PCDHA1: variants seen among roughly 807,000 people sequenced by gnomAD.
The protein encoded by PCDHA1 is protocadherin alpha-1.
A neutral mutation model predicts 61.3 loss-of-function variants in PCDHA1; 42 were observed. That is an observed-to-expected ratio of 0.69 (90% CI 0.54 to 0.89). The LOEUF (loss-of-function observed/expected upper bound fraction) is 0.89. Among genes scored for constraint, PCDHA1 ranks in the 40% least tolerant of loss-of-function variants. The pLI, the probability that PCDHA1 is intolerant of heterozygous loss-of-function variation, is 0.00. For synonymous variants in PCDHA1, 610 were observed against 553.8 expected, an observed-to-expected ratio of 1.10 and a Z score of -1.43; for missense variants, 1,256 against 1,235.3, an observed-to-expected ratio of 1.02 and a Z score of -0.25.
intron 1 of PCDHA1, chr5:140,809,377 C>T (rs370062696): frequency 7.9e-5 from 128 of 1,613,896 alleles, no homozygotes; most frequent in Non-Finnish European, 9.8e-5. Context: ...CCACCGAGGG[C>T]GCGTGCGCTC....
chr5:140,816,424 C>T (rs1554127056), intron 1 of PCDHA1: 2 of 152,046 alleles, frequency 1.3e-5, no homozygotes, highest in African/African-American at 2.4e-5. Flanking sequence ...GCTCACTGAA[C>T]ATCTTTATGA....
chr5:140,842,171 C>T, intron 1 of PCDHA1: 8 of 1,613,804 alleles, frequency 5.0e-6, no homozygotes, highest in Non-Finnish European at 6.8e-6. Flanking sequence ...TTTTAATAGC[C>T]TTGTTGAAAC....
chr5:140,834,264 C>G lies in PCDHA1; in HGVS notation c.2394+45580C>G. ...TCGCACTGGAAAGACGCTCCACTCT[C>G]TTTCACTCTTTGGATGCACAACAAT... On this transcript the variant is annotated intron_variant, in intron 1 of 3. Transcript: ENST00000504120. The G allele has an allele frequency of 6.9e-6, 7 of 1,010,524 alleles. No individual in the cohort carries two copies. In the South Asian group the frequency reaches 9.7e-5, roughly 14 times the overall value. The allele number at this position is 1,010,524 out of a possible 1,614,324, so 62.6% of individuals were successfully genotyped here. A position where few individuals can be genotyped will look rare whatever the true frequency, so the allele number is the denominator to read the frequency against.
intron 2 of PCDHA1, among the ~76,000 whole-genome samples, chr5:140,979,795 A>G (rs781835728): frequency 6.6e-6 from 1 of 152,264 alleles, no homozygotes. Flanking sequence ...GAAACAAATG[A>G]TCACAACTAT....
rs1247587764 is a variant in PCDHA1 at position 140,883,158 on chromosome 5, C to T, written c.2394+94474C>T. ...GTGGTATATGCATTTACCATAAATC[C>T]GAACAATGGAGAAATTAGGACAAAA... On this transcript the variant is annotated intron_variant, in intron 1 of 3. Coordinates refer to ENST00000504120, the MANE Select transcript of PCDHA1 (RefSeq NM_018900.4). The T allele has an allele frequency of 1.9e-6, 3 of 1,613,592 alleles. No individual in the cohort carries two copies. In the African/African-American group the frequency reaches 4.0e-5, roughly 22 times the overall value.
intron 1 of PCDHA1, chr5:140,848,409 C>A: frequency 7.4e-7 from 1 of 1,356,090 alleles, no homozygotes; most frequent in Non-Finnish European, 1.0e-6. Flanking sequence ...CGATGGCGAA[C>A]ACAGCAGAAT....
chr5:140,936,435 TTAAA>T (rs1554210994), intron 1 of PCDHA1, among the ~76,000 whole-genome samples: 2 of 152,222 alleles, frequency 1.3e-5, no homozygotes, highest in African/African-American at 4.8e-5. Flanking sequence ...TAATTTAAGC[TTAAA>T]TAACCACATC....
intron 1 of PCDHA1, among the ~76,000 whole-genome samples, chr5:140,793,894 C>T (rs1364911495): frequency 1.3e-5 from 2 of 152,174 alleles, no homozygotes; most frequent in African/African-American, 4.8e-5. Flanking sequence ...AAAACATTTG[C>T]AAACAATTCA....
At chr5:140,969,385 C>A in intron 1 of PCDHA1, 1 of 1,598,120 alleles carries the variant, frequency 6.3e-7, no homozygotes, top group East Asian at 2.2e-5. Context: ...TTACACATCC[C>A]CCAATATCCT....
intron 1 of PCDHA1, chr5:140,796,126 T>A: frequency 6.2e-7 from 1 of 1,614,196 alleles, no homozygotes; most frequent in Non-Finnish European, 8.5e-7. Context: ...TGTCACCTGC[T>A]CCCTGACGCC....
In PCDHA1 at chr5:140,876,240, A is replaced by G. The variant is rs375639572; in HGVS notation, c.2394+87556A>G. 7.0e-5 allele frequency: 113 copies of G among 1,613,906 alleles called. No homozygotes were observed. The highest frequency in any genetic ancestry group is 8.3e-5 in the Admixed American group (5 of 60,008). Reference sequence around the variant, plus strand: ...AAGTAGTGTTGTCTGAAAATGTCCAAAACGACACAAGAGTGATCCAACTAA... The same window carrying G: ...AAGTAGTGTTGTCTGAAAATGTCCAGAACGACACAAGAGTGATCCAACTAA... On this transcript the variant is annotated intron_variant, in intron 1 of 3. Coordinates refer to ENST00000504120, the MANE Select transcript of PCDHA1 (RefSeq NM_018900.4).
At position 140,787,567 on chromosome 5, in the gene PCDHA1, C is replaced by A. The variant is rs782215051; in HGVS notation, c.1277C>A (p.Thr426Asn). Reference protein sequence around the residue: ...ESLSVYELVVTARDGGSPSLW... With the variant: ...ESLSVYELVVNARDGGSPSLW... Reference sequence around the variant, plus strand: ...CTGTCGGTCTATGAGCTGGTGGTGACCGCGCGGGACGGGGGCTCGCCTTCG... The same window carrying A: ...CTGTCGGTCTATGAGCTGGTGGTGAACGCGCGGGACGGGGGCTCGCCTTCG... The change falls in exon 1 of 4, where the codon ACC becomes AAC. Residue 426 changes from threonine (T) to asparagine (N), a missense_variant. Coordinates refer to ENST00000504120, the MANE Select transcript of PCDHA1 (RefSeq NM_018900.4). 3.7e-6 allele frequency: 6 copies of A among 1,614,068 alleles called. No homozygotes were observed. In the Admixed American group the frequency reaches 1.0e-4, roughly 27 times the overall value.
rs1365314674 is a variant in PCDHA1, at chr5:140,850,378, C to A, written c.2394+61694C>A. 1.3e-6 allele frequency: 2 copies of A among 1,597,842 alleles called. No homozygotes were observed. Among genetic ancestry groups the A allele is most frequent in the East Asian group, 2.2e-5 (1 of 44,846 alleles). On this transcript the variant is annotated intron_variant, in intron 1 of 3. Transcript: ENST00000504120. ...ATCCCGTTCCGCGTGGGGCTGTACA[C>A]GGGCGAGATCAGCACAACGCGTGCC...
At chr5:140,846,011 AAAAGTTATTAC>A (rs1554141096) in intron 1 of PCDHA1, among the ~76,000 whole-genome samples, 1 of 149,770 alleles carries the variant, frequency 6.7e-6, no homozygotes, top group Non-Finnish European at 1.5e-5. Flanking sequence ...AAAAAAATCT[AAAAGTTATTAC>A]GAGTTTAGGA....
intron 1 of PCDHA1, among the ~76,000 whole-genome samples, chr5:140,945,853 A>G (rs782332952): frequency 6.6e-6 from 1 of 152,190 alleles, no homozygotes; most frequent in Non-Finnish European, 1.5e-5. Flanking sequence ...AAAGACTTAA[A>G]CATAGACCTG....
intron 3 of PCDHA1, among the ~76,000 whole-genome samples, chr5:140,989,624 G>C (rs527255277): frequency 6.6e-6 from 1 of 152,208 alleles, no homozygotes; most frequent in Non-Finnish European, 1.5e-5. Context: ...GTCTGTCCTA[G>C]TGACAGCAAG....
intron 1 of PCDHA1, among the ~76,000 whole-genome samples, chr5:140,881,757 A>T (rs1238055344): frequency 6.6e-6 from 1 of 152,166 alleles, no homozygotes; most frequent in African/African-American, 2.4e-5. Flanking sequence ...TACCACAAAA[A>T]CCTACATGAC....
At chr5:140,850,708 C>T (rs1554144815) in intron 1 of PCDHA1, 8 of 1,597,900 alleles carry the variant, frequency 5.0e-6, no homozygotes, top group Admixed American at 3.4e-5. Flanking sequence ...GGCAAGCCGA[C>T]GCTGGTGTGT....
chr5:140,913,526 A>T (rs1171997127), intron 1 of PCDHA1, among the ~76,000 whole-genome samples: 1 of 151,968 alleles, frequency 6.6e-6, no homozygotes, highest in Non-Finnish European at 1.5e-5. Flanking sequence ...TTATCTTTTC[A>T]AAAGATTGAC....
Sources: allele counts gnomAD v4.1 joint callset (sites outside exome capture counted in the v4.1 genomes callset), GRCh38; gene constraint gnomAD v4.1.1; transcripts MANE v1.5; gene names NCBI Gene and HGNC (gene_info 2026-07-23, HGNC 2026-07-21).